The following APLP2 variants were observed in gnomAD, a reference collection of about 807,000 sequenced individuals.
APLP2 encodes CDEI box-binding protein.
In APLP2, 53 loss-of-function variants were observed where a neutral mutation model predicts 89.9. The observed-to-expected ratio is 0.59, with a 90% CI of 0.47 to 0.74. The LOEUF is 0.74. Ranked by LOEUF, APLP2 falls within the 30% of genes least tolerant of loss-of-function variation. The pLI, the probability that APLP2 is intolerant of heterozygous loss-of-function variation, is 0.00. For missense variants in APLP2, 973 were observed against 975.9 expected, an observed-to-expected ratio of 1.00 and a Z score of 0.04; for synonymous variants, 372 against 348.6, an observed-to-expected ratio of 1.07 and a Z score of -0.75.
At chr11:130,134,000 A>C (rs1951240931) in intron 12 of APLP2, among the ~76,000 whole-genome samples, 1 of 152,202 alleles carries the variant, frequency 6.6e-6, no homozygotes. Flanking sequence ...GTGAAATTGC[A>C]AGAGACTACG....
At chr11:130,087,875 T>G (rs10431049) in intron 1 of APLP2, among the ~76,000 whole-genome samples, 14,774 of 152,220 alleles carry the variant, frequency 0.097, 1,066 homozygotes, top group African/African-American at 0.19. Context: ...AAGATTAATC[T>G]TGTGAATTGA....
At chr11:130,119,339 G>A (rs1949562560) in intron 3 of APLP2, among the ~76,000 whole-genome samples, 1 of 152,140 alleles carries the variant, frequency 6.6e-6, no homozygotes, top group Non-Finnish European at 1.5e-5. Flanking sequence ...GTAGATTACT[G>A]AGCCTTACCT....
In APLP2 at chr11:130,123,774, C is replaced by T. The variant is rs1286666764; in HGVS notation, c.1085C>T (p.Ala362Val). 7 of 1,613,920 alleles carry T rather than the reference C, an allele frequency of 4.3e-6. No homozygotes were observed. The highest frequency in any genetic ancestry group is 4.0e-5 in the African/African-American group (3 of 74,948). The change falls in exon 7 of 17, where the codon GCG becomes GTG. Residue 362 changes from alanine (A) to valine (V), a missense_variant. Ala to Val is a moderately conservative substitution (Grantham distance 64). Coordinates refer to ENST00000338167, the MANE Select transcript of APLP2 (RefSeq NM_001142276.2). This position sits in a 1 kb window ranked among gnomAD's most constrained non-coding sequence, Gnocchi z 4.0. Reference protein sequence around the residue: ...SEDYCMAVCKAMIPPTPLPTN... With the variant: ...SEDYCMAVCKVMIPPTPLPTN... ...GATTATTGTATGGCTGTGTGTAAAGCGATGAGTAAGTCCTGCCTCGCGCTG... is the reference window on the plus strand; with the variant it reads ...GATTATTGTATGGCTGTGTGTAAAGTGATGAGTAAGTCCTGCCTCGCGCTG...
At chr11:130,087,890 A>G (rs1944369129) in intron 1 of APLP2, among the ~76,000 whole-genome samples, 1 of 152,240 alleles carries the variant, frequency 6.6e-6, no homozygotes, top group Non-Finnish European at 1.5e-5. Flanking sequence ...AATTGATAAA[A>G]GTCATTGAAA....
chr11:130,117,394 C>T (rs1949312663), intron 3 of APLP2, among the ~76,000 whole-genome samples: 1 of 152,174 alleles, frequency 6.6e-6, no homozygotes, highest in African/African-American at 2.4e-5. Flanking sequence ...CTCATATGCT[C>T]ACCCTCCTGA....
At chr11:130,092,700 G>T (rs539158154) in intron 1 of APLP2, among the ~76,000 whole-genome samples, 1 of 123,174 alleles carries the variant, frequency 8.1e-6, no homozygotes. Flanking sequence ...GGGAGACCGT[G>T]GGGGGAGGGA....
chr11:130,091,360 C>T (rs1449913092), intron 1 of APLP2, among the ~76,000 whole-genome samples: 9 of 145,820 alleles, frequency 6.2e-5, no homozygotes, highest in Non-Finnish European at 1.0e-4. Context: ...GCTGGCCGGG[C>T]GGGGGGCCGA....
chr11:130,091,329 ACCTC>A (rs1945114502), intron 1 of APLP2, among the ~76,000 whole-genome samples: 1 of 121,390 alleles, frequency 8.2e-6, no homozygotes, highest in African/African-American at 3.5e-5. Flanking sequence ...TGACACCCCC[ACCTC>A]CCTCCCGGAC....
In APLP2 at chr11:130,084,224, C is replaced by T. The variant is rs1006113526; in HGVS notation, c.105+14142C>T. ...TTGCACCACTGCACTCCAGCCTGGG[C>T]GATAGAGCGAGACTCCGTCTCAAAA... is the stretch of plus-strand genomic sequence containing the variant. On this transcript the variant is annotated intron_variant, in intron 1 of 16. Transcript: ENST00000338167. Among the ~76,000 whole-genome samples the T allele has an allele frequency of 4.0e-5, 6 of 150,680 alleles. No individual in the cohort carries two copies. The East Asian group carries it at 5.8e-4, about 15-fold the overall frequency.
At chr11:130,091,111 C>A (rs1216938842) in intron 1 of APLP2, among the ~76,000 whole-genome samples, 810 of 134,722 alleles carry the variant, frequency 6.0e-3, no homozygotes, top group African/African-American at 0.015. Context: ...CACCTCCCTC[C>A]CGGACGGGGC....
At chr11:130,105,095 T>G (rs1947476064) in intron 1 of APLP2, among the ~76,000 whole-genome samples, 1 of 152,236 alleles carries the variant, frequency 6.6e-6, no homozygotes, top group African/African-American at 2.4e-5. Context: ...TAAAGTTTCC[T>G]AGAAAATCAT....
chr11:130,129,456 G>A (rs981770548), intron 10 of APLP2, among the ~76,000 whole-genome samples: 10 of 152,286 alleles, frequency 6.6e-5, no homozygotes, highest in African/African-American at 1.9e-4. Flanking sequence ...GTATAACCTC[G>A]CGAAATTGAT....
chr11:130,088,439 A>G (rs1944435620), intron 1 of APLP2, among the ~76,000 whole-genome samples: 1 of 152,150 alleles, frequency 6.6e-6, no homozygotes, highest in Non-Finnish European at 1.5e-5. Flanking sequence ...GACTTCATGT[A>G]CAATGAATTA....
chr11:130,118,978 C>T (rs747462444), intron 3 of APLP2, among the ~76,000 whole-genome samples: 10 of 152,198 alleles, frequency 6.6e-5, no homozygotes, highest in Non-Finnish European at 1.5e-4. Context: ...CCATCTTCCC[C>T]TACTTACACA....
intron 13 of APLP2, chr11:130,139,129 A>T (rs1047394891): frequency 6.6e-6 from 1 of 152,234 alleles, no homozygotes; most frequent in Non-Finnish European, 1.5e-5. Flanking sequence ...GACAAAAGCT[A>T]GCTCTGATTT....
At chr11:130,086,931 A>G (rs1441553036) in intron 1 of APLP2, among the ~76,000 whole-genome samples, 1 of 152,150 alleles carries the variant, frequency 6.6e-6, no homozygotes, top group Non-Finnish European at 1.5e-5. Context: ...TTCCGTCTCA[A>G]GATTGTGTGA....
chr11:130,084,156 G>A (rs1238887870), intron 1 of APLP2, among the ~76,000 whole-genome samples: 1 of 152,050 alleles, frequency 6.6e-6, no homozygotes, highest in Non-Finnish European at 1.5e-5. Context: ...TGAGGCAGGA[G>A]AATGGCGTGA....
chr11:130,079,601 C>G (rs185379558), intron 1 of APLP2, among the ~76,000 whole-genome samples: 51 of 152,176 alleles, frequency 3.4e-4, no homozygotes, highest in African/African-American at 1.2e-3. Context: ...TCAGATTGAC[C>G]TTGTATCCAG....
intron 1 of APLP2, among the ~76,000 whole-genome samples, chr11:130,093,009 A>G (rs1408713271): frequency 6.6e-6 from 1 of 152,180 alleles, no homozygotes; most frequent in East Asian, 1.9e-4. Flanking sequence ...ACTAAATGTG[A>G]GCATTTAGCC....
Sources: allele counts gnomAD v4.1 joint callset (sites outside exome capture counted in the v4.1 genomes callset), GRCh38; gene constraint gnomAD v4.1.1; non-coding constraint Gnocchi (gnomAD v3.1); transcripts MANE v1.5; gene names NCBI Gene and HGNC (gene_info 2026-07-23, HGNC 2026-07-21).